ENTREP2: variants seen among roughly 807,000 people sequenced by gnomAD.
ENTREP2 encodes endosomal transmembrane epsin interactor 2.
the ENTREP2 span, among the ~76,000 whole-genome samples, chr15:29,285,221 A>C: frequency 6.6e-6 from 1 of 152,264 alleles, no homozygotes; most frequent in South Asian, 2.1e-4. Context: ...TCTTCCAGTA[A>C]GAGGCAATGG....
the ENTREP2 span, among the ~76,000 whole-genome samples, chr15:29,657,491 G>GGGGGT: frequency 2.2e-5 from 3 of 135,998 alleles, no homozygotes; most frequent in Admixed American, 1.4e-4. Context: ...GGCGGGGGGG[G>GGGGGT]GGGGTGGCCA....
the ENTREP2 span, among the ~76,000 whole-genome samples, chr15:29,189,702 A>G: frequency 1.3e-5 from 2 of 152,304 alleles, no homozygotes; most frequent in Non-Finnish European, 1.5e-5. Context: ...GTTACGAAGC[A>G]TATTTCACCA....
chr15:29,439,290 C>T, the ENTREP2 span, among the ~76,000 whole-genome samples: 1 of 29,560 alleles, frequency 3.4e-5, no homozygotes, highest in Non-Finnish European at 9.0e-5. Context: ...GAATTACACA[C>T]ACACACACAC....
At chr15:29,523,555 A>G in the ENTREP2 span, among the ~76,000 whole-genome samples, 1 of 140,518 alleles carries the variant, frequency 7.1e-6, no homozygotes, top group Non-Finnish European at 1.5e-5. Flanking sequence ...TAAAAATCCC[A>G]GCTAGATTTT....
chr15:29,369,522 C>T, the ENTREP2 span, among the ~76,000 whole-genome samples: 2 of 152,028 alleles, frequency 1.3e-5, no homozygotes, highest in Admixed American at 6.6e-5. Flanking sequence ...TAAGCCAATG[C>T]TGAGATAATT....
the ENTREP2 span, among the ~76,000 whole-genome samples, chr15:29,386,442 G>A: frequency 2.0e-5 from 3 of 152,110 alleles, no homozygotes; most frequent in Admixed American, 6.6e-5. Flanking sequence ...CCGGTGAGGC[G>A]GATAAGGGAA....
chr15:29,526,112 T>G, the ENTREP2 span, among the ~76,000 whole-genome samples: 1 of 152,206 alleles, frequency 6.6e-6, no homozygotes, highest in East Asian at 1.9e-4. Context: ...AAGAATTGAT[T>G]GTGCAAGCTT....
the ENTREP2 span, among the ~76,000 whole-genome samples, chr15:29,304,607 C>T: frequency 6.6e-6 from 1 of 152,190 alleles, no homozygotes; most frequent in Admixed American, 6.5e-5. Flanking sequence ...CAGAGTGGGC[C>T]TTTAAAAAAT....
the ENTREP2 span, among the ~76,000 whole-genome samples, chr15:29,162,027 C>T: frequency 2.6e-5 from 4 of 152,124 alleles, no homozygotes; most frequent in African/African-American, 4.8e-5. Flanking sequence ...AGCATCCTCT[C>T]CCAAACACAC....
chr15:29,448,636 G>A, the ENTREP2 span, among the ~76,000 whole-genome samples: 19 of 152,124 alleles, frequency 1.2e-4, no homozygotes, highest in Non-Finnish European at 2.5e-4. Flanking sequence ...AGAACAAATC[G>A]AGACGAACCA....
At chr15:29,431,969 C>T in the ENTREP2 span, among the ~76,000 whole-genome samples, 196 of 152,298 alleles carry the variant, frequency 1.3e-3, 3 homozygotes, top group South Asian at 0.033. Context: ...TGTGAACAGG[C>T]TATTTTGATA....
the ENTREP2 span, among the ~76,000 whole-genome samples, chr15:29,423,338 T>G: frequency 2.0e-5 from 3 of 152,200 alleles, no homozygotes; most frequent in African/African-American, 7.2e-5. Flanking sequence ...AAATTCCTTC[T>G]TCTGACTATA....
chr15:29,124,633 C>G, the ENTREP2 span: 2 of 1,474,458 alleles, frequency 1.4e-6, no homozygotes, highest in Admixed American at 2.0e-5. Flanking sequence ...CACCAACACC[C>G]GCCCCACCTC....
At chr15:29,461,722 T>A in the ENTREP2 span, among the ~76,000 whole-genome samples, 2 of 152,112 alleles carry the variant, frequency 1.3e-5, no homozygotes, top group Non-Finnish European at 2.9e-5. Flanking sequence ...ATCCACCCGC[T>A]TCGGCCTCCC....
chr15:29,374,440 A>G, the ENTREP2 span: 6 of 152,150 alleles, frequency 3.9e-5, no homozygotes, highest in Admixed American at 6.5e-5. Flanking sequence ...TTCAGGTGAC[A>G]TTAGACTTCA....
At chr15:29,264,347 C>T in the ENTREP2 span, among the ~76,000 whole-genome samples, 1 of 151,952 alleles carries the variant, frequency 6.6e-6, no homozygotes, top group Non-Finnish European at 1.5e-5. Context: ...ATAAGAGACC[C>T]ATGGGTCTAT....
the ENTREP2 span, among the ~76,000 whole-genome samples, chr15:29,311,633 T>G: frequency 4.7e-4 from 72 of 152,178 alleles, no homozygotes; most frequent in Middle Eastern, 3.4e-3. Flanking sequence ...GAGGTTGCAG[T>G]GAGCTGAGAT....
the ENTREP2 span, among the ~76,000 whole-genome samples, chr15:29,302,823 C>A: frequency 6.6e-6 from 1 of 152,124 alleles, no homozygotes; most frequent in African/African-American, 2.4e-5. Context: ...TATTTGTTTA[C>A]CTATTGTTTA....
the ENTREP2 span, among the ~76,000 whole-genome samples, chr15:29,479,570 C>CT: frequency 6.6e-6 from 1 of 152,038 alleles, no homozygotes; most frequent in Non-Finnish European, 1.5e-5. Flanking sequence ...TACTCCACCC[C>CT]TAAGGGCTAC....
Sources: gnomAD v4.1 joint callset for allele counts (sites outside exome capture counted in the v4.1 genomes callset) on GRCh38, gnomAD v4.1.1 for gene constraint, MANE v1.5 for transcripts, NCBI Gene and HGNC (gene_info 2026-07-23, HGNC 2026-07-21) for gene names.